NDST4: variants seen among roughly 807,000 people sequenced by gnomAD.
NDST4 encodes N-heparan sulfate sulfotransferase 4.
Under a neutral mutation model 100.8 loss-of-function variants are expected in NDST4, and 63 were observed. The ratio of observed to expected loss-of-function variants is 0.62; its 90% confidence interval spans 0.51 to 0.77. The LOEUF is 0.77. Ranked by LOEUF, NDST4 falls within the 30% of genes least tolerant of loss-of-function variation. The pLI is 0.00. For synonymous variants in NDST4, 377 were observed against 361.8 expected (o/e 1.04, Z -0.48); for missense variants, 943 against 1,018.4 (o/e 0.93, Z 1.01).
Position 115,014,144 on chromosome 4 carries a change from ATAAGGCCTACC to A in NDST4, c.979-36881_979-36871del, listed in dbSNP as rs1456713070. ...AATGCCTTTTACTTCATCCTTATCA[ATAAGGCCTACC>A]TAAAGCAGTTTGTGTTTGGCTGGTA... On this transcript the variant is annotated intron_variant, in intron 2 of 13. Coordinates refer to ENST00000264363, the MANE Select transcript of NDST4 (RefSeq NM_022569.3). Among the ~76,000 whole-genome samples, 27 of 152,148 alleles carry A rather than the reference ATAAGGCCTACC, an allele frequency of 1.8e-4. No homozygotes were observed. The East Asian group carries it at 5.2e-3, about 30-fold the overall frequency.
intron 4 of NDST4, among the ~76,000 whole-genome samples, chr4:114,941,535 CA>C (rs1317922997): frequency 6.6e-6 from 1 of 152,068 alleles, no homozygotes; most frequent in Non-Finnish European, 1.5e-5. Context: ...TAGGAGTACT[CA>C]AGACCAATTT....
intron 7 of NDST4, among the ~76,000 whole-genome samples, chr4:114,863,952 T>C (rs1295349601): frequency 6.6e-6 from 1 of 152,198 alleles, no homozygotes. Context: ...GCAATCAAGC[T>C]AAAAAGAACA....
intron 2 of NDST4, among the ~76,000 whole-genome samples, chr4:114,983,275 T>C (rs1049184285): frequency 6.6e-6 from 1 of 152,202 alleles, no homozygotes; most frequent in Non-Finnish European, 1.5e-5. Context: ...GCTTCCACTG[T>C]GTGCCTGGAA....
At chr4:115,100,482 A>C (rs1486049697) in intron 1 of NDST4, among the ~76,000 whole-genome samples, 1 of 152,032 alleles carries the variant, frequency 6.6e-6, no homozygotes, top group Admixed American at 6.6e-5. Context: ...AAGTCTATTC[A>C]AAAAAAGAGC....
chr4:114,946,484 T>C (rs1156284501), intron 4 of NDST4, among the ~76,000 whole-genome samples: 4 of 152,136 alleles, frequency 2.6e-5, no homozygotes, highest in Admixed American at 6.5e-5. Context: ...CATGGTTTAA[T>C]GGAGAAGGTA....
At chr4:114,915,458 T>G (rs2126216731) in intron 6 of NDST4, among the ~76,000 whole-genome samples, 1 of 152,304 alleles carries the variant, frequency 6.6e-6, no homozygotes, top group South Asian at 2.1e-4. Context: ...AATAATAATC[T>G]TGTTAACAGT....
chr4:114,901,334 ATTG>A (rs1157237380), intron 6 of NDST4, among the ~76,000 whole-genome samples: 2 of 152,064 alleles, frequency 1.3e-5, no homozygotes, highest in African/African-American at 4.8e-5. Context: ...CATACTAAAA[ATTG>A]TTATGTCTTC....
At chr4:115,003,600 G>A (rs1486685485) in intron 2 of NDST4, among the ~76,000 whole-genome samples, 2 of 152,100 alleles carry the variant, frequency 1.3e-5, no homozygotes, top group Admixed American at 1.3e-4. Context: ...CTTAGCGGTG[G>A]CTCACGCCTG....
intron 2 of NDST4, among the ~76,000 whole-genome samples, chr4:114,990,573 A>G (rs990283933): frequency 1.3e-5 from 2 of 152,090 alleles, no homozygotes; most frequent in Non-Finnish European, 2.9e-5. Context: ...AAAATCTTAC[A>G]TCCCACATTA....
chr4:115,033,147 ATATATATATATTT>A (rs1728153713), intron 2 of NDST4, among the ~76,000 whole-genome samples: 3 of 126,716 alleles, frequency 2.4e-5, no homozygotes, highest in African/African-American at 1.0e-4. Context: ...ATATATATAT[ATATATATATATTT>A]TTTTTTTTTT....
chr4:115,001,768 C>T lies in NDST4; in HGVS notation c.979-24494G>A, dbSNP rs550750448. 9.9e-5 allele frequency among the ~76,000 whole-genome samples: 15 copies of T among 152,162 alleles called. 1 individual carries two copies. The highest frequency in any genetic ancestry group is 3.1e-4 in the African/African-American group (13 of 41,544). ...TTAATAAATAATTGTGTAAATGATG[C>T]CTTGTTTTCAAAAATGACTTGCAGC... On this transcript the variant is annotated intron_variant, in intron 2 of 13. Transcript: ENST00000264363.
At chr4:114,973,796 T>C (rs1726568898) in intron 3 of NDST4, among the ~76,000 whole-genome samples, 2 of 151,986 alleles carry the variant, frequency 1.3e-5, no homozygotes, top group African/African-American at 2.4e-5. Context: ...TTCTACCTTA[T>C]ATTTGTGTAA....
intron 4 of NDST4, among the ~76,000 whole-genome samples, chr4:114,943,797 T>C (rs1246124302): frequency 6.6e-6 from 1 of 152,186 alleles, no homozygotes; most frequent in Non-Finnish European, 1.5e-5. Flanking sequence ...AAATTTCTCA[T>C]TTATAAAATT....
chr4:114,874,601 C>CTG (rs1177864700), intron 6 of NDST4, among the ~76,000 whole-genome samples: 2 of 152,186 alleles, frequency 1.3e-5, no homozygotes, highest in Non-Finnish European at 2.9e-5. Flanking sequence ...CACAGCTTAA[C>CTG]TGTGCATATC....
chr4:115,015,503 TG>T (rs1170483961), intron 2 of NDST4, among the ~76,000 whole-genome samples: 7 of 152,096 alleles, frequency 4.6e-5, no homozygotes, highest in Admixed American at 1.3e-4. Flanking sequence ...GGTGTTTGTT[TG>T]GATGGTCAGG....
Position 115,049,545 on chromosome 4 carries a change from A to C in NDST4, c.978+26514T>G, listed in dbSNP as rs149893800. 1.3e-3 allele frequency among the ~76,000 whole-genome samples: 192 copies of C among 152,298 alleles called. 2 individuals are homozygous for C. The highest frequency in any genetic ancestry group is 4.5e-3 in the African/African-American group (186 of 41,574). On this transcript the variant is annotated intron_variant, in intron 2 of 13. Coordinates refer to ENST00000264363, the MANE Select transcript of NDST4 (RefSeq NM_022569.3). ...TTCAGGTAAAAAAGTAATCACTTTA[A>C]ATTGAACTAATATGTAATTGTTTGT...
intron 6 of NDST4, among the ~76,000 whole-genome samples, chr4:114,899,774 T>C (rs932728188): frequency 1.3e-5 from 2 of 152,168 alleles, no homozygotes; most frequent in South Asian, 4.1e-4. Context: ...GTTCATAAGA[T>C]ATATTGGTCT....
intron 4 of NDST4, among the ~76,000 whole-genome samples, chr4:114,945,660 T>C (rs1238446930): frequency 1.3e-5 from 2 of 152,190 alleles, no homozygotes; most frequent in Non-Finnish European, 2.9e-5. Context: ...AAAGTGCTGG[T>C]TTCTTCTCCT....
intron 1 of NDST4, among the ~76,000 whole-genome samples, chr4:115,099,462 C>T (rs1443835735): frequency 1.3e-5 from 2 of 151,600 alleles, no homozygotes; most frequent in East Asian, 3.9e-4. Flanking sequence ...TCTTAAAATT[C>T]CATAGTAGAA....
Sources: gnomAD v4.1 joint callset for allele counts (sites outside exome capture counted in the v4.1 genomes callset) on GRCh38, gnomAD v4.1.1 for gene constraint, MANE v1.5 for transcripts, NCBI Gene and HGNC (gene_info 2026-07-23, HGNC 2026-07-21) for gene names.